Variants in TM9SF3 observed in about 807,000 individuals in gnomAD.
TM9SF3 encodes the protein SM-11044-binding protein.
A neutral mutation model predicts 78.6 loss-of-function variants in TM9SF3; 14 were observed. The ratio of observed to expected loss-of-function variants is 0.18; its 90% CI spans 0.12 to 0.28. The LOEUF (loss-of-function observed/expected upper bound fraction) is 0.28, where lower values mean the gene tolerates loss of function less well. TM9SF3 is among the 10% of genes least tolerant of loss of function. TM9SF3 has a pLI of 1.00. For synonymous variants in TM9SF3, 231 were observed against 241.7 expected (o/e 0.96, Z 0.41); for missense variants, 496 against 721.9 (o/e 0.69, Z 3.59).
At position 96,518,196 on chromosome 10, in the gene TM9SF3, T is replaced by C. The variant is rs1847717856; in HGVS notation, c.*4067A>G. The C allele has an allele frequency of 6.6e-6, 1 of 152,186 alleles. No homozygotes were observed. Among genetic ancestry groups the C allele is most frequent in the African/African-American group, 2.4e-5 (1 of 41,446 alleles). The allele number at this position is 152,186 out of a possible 1,614,324, so 9.4% of individuals were successfully genotyped here. A position where few individuals can be genotyped will look rare whatever the true frequency, so the allele number is the denominator to read the frequency against. On this transcript the variant is annotated 3_prime_UTR_variant, in exon 15 of 15. Coordinates refer to ENST00000371142, the MANE Select transcript of TM9SF3 (RefSeq NM_020123.4). ...AGAACCTCAATTGTATTTGATACAT[T>C]ATATACTGGATTTCTATTACTAAAA... is the stretch of plus-strand genomic sequence containing the variant.
rs555654675 is a variant in TM9SF3 at position 96,530,509 on chromosome 10, C to T, written c.1394+31G>A. On this transcript the variant is annotated intron_variant, in intron 11 of 14. Transcript: ENST00000371142. Reference sequence around the variant, plus strand: ...AAATTGTCTTACTATAATCAAATCCCTCAAAACATAAATACATTATCAAAA... The same window carrying T: ...AAATTGTCTTACTATAATCAAATCCTTCAAAACATAAATACATTATCAAAA... 4.8e-5 allele frequency: 75 copies of T among 1,569,862 alleles called. 3 individuals are homozygous for T. The South Asian group carries it at 8.2e-4, about 17-fold the overall frequency.
intron 1 of TM9SF3, among the ~76,000 whole-genome samples, chr10:96,580,583 G>C (rs1004239889): frequency 6.6e-6 from 1 of 151,864 alleles, no homozygotes; most frequent in African/African-American, 2.4e-5. Flanking sequence ...ATCTTCTTTC[G>C]TCATTCCACC....
chr10:96,571,220 A>T (rs1419228986), intron 2 of TM9SF3, among the ~76,000 whole-genome samples: 1 of 152,138 alleles, frequency 6.6e-6, no homozygotes, highest in Non-Finnish European at 1.5e-5. Flanking sequence ...AGCTAGGGGG[A>T]CAGATGTAGG....
chr10:96,541,698 T>C (rs558418126), intron 9 of TM9SF3, among the ~76,000 whole-genome samples: 8 of 152,256 alleles, frequency 5.3e-5, no homozygotes, highest in East Asian at 3.9e-4. Flanking sequence ...GAAACTTTCA[T>C]AGAACAGAGA....
chr10:96,548,522 G>A (rs915393724), intron 7 of TM9SF3, among the ~76,000 whole-genome samples: 3 of 152,052 alleles, frequency 2.0e-5, no homozygotes, highest in Non-Finnish European at 4.4e-5. Flanking sequence ...TTTAGGCCGC[G>A]CACAGTGGCT....
At position 96,529,163 on chromosome 10, in the gene TM9SF3, T is replaced by C. The variant is rs145910026; in HGVS notation, c.1395-986A>G. Among the ~76,000 whole-genome samples, 969 of 152,172 alleles carry C rather than the reference T, an allele frequency of 6.4e-3. 5 individuals are homozygous for C. The highest frequency in any genetic ancestry group is 0.012 in the Admixed American group (176 of 15,256). ...CATTGTCAGACTGGAACTAAAGAAG[T>C]TCCTGAACTGACTTTAATAAACCAC... On this transcript the variant is annotated intron_variant, in intron 11 of 14. Coordinates refer to ENST00000371142, the MANE Select transcript of TM9SF3 (RefSeq NM_020123.4).
chr10:96,555,987 A>T (rs905734477), intron 5 of TM9SF3, among the ~76,000 whole-genome samples: 4 of 152,192 alleles, frequency 2.6e-5, no homozygotes, highest in African/African-American at 9.6e-5. Flanking sequence ...AAAATGTTGT[A>T]ATTTCTAACA....
At chr10:96,559,544 C>A in intron 5 of TM9SF3, 115 bp downstream of exon 5, 1 of 630,370 alleles carries the variant, frequency 1.6e-6, no homozygotes, top group Non-Finnish European at 2.4e-6. Context: ...TCACCATTAG[C>A]TAAATCTTTT....
intron 8 of TM9SF3, among the ~76,000 whole-genome samples, chr10:96,544,696 G>GT (rs1278181909): frequency 6.6e-6 from 1 of 152,036 alleles, no homozygotes; most frequent in Non-Finnish European, 1.5e-5. Flanking sequence ...GGAGTTTCAT[G>GT]TAAGTTTTCA....
chr10:96,574,851 C>T (rs909604588), intron 2 of TM9SF3, among the ~76,000 whole-genome samples: 1 of 152,114 alleles, frequency 6.6e-6, no homozygotes, highest in Non-Finnish European at 1.5e-5. Flanking sequence ...CATGTTCTCA[C>T]TCGTAAGTGG....
intron 3 of TM9SF3, among the ~76,000 whole-genome samples, chr10:96,564,381 A>G (rs1467950049): frequency 6.6e-6 from 1 of 152,208 alleles, no homozygotes; most frequent in African/African-American, 2.4e-5. Context: ...TATTCAGCAC[A>G]TCTTCCTACC....
At chr10:96,574,621 C>G (rs780710457) in intron 2 of TM9SF3, among the ~76,000 whole-genome samples, 6 of 152,300 alleles carry the variant, frequency 3.9e-5, no homozygotes, top group Admixed American at 1.3e-4. Context: ...GATACATACA[C>G]ATGTATGTTT....
intron 14 of TM9SF3, among the ~76,000 whole-genome samples, chr10:96,525,378 C>CTTGT (rs1296096166): frequency 6.6e-6 from 1 of 151,996 alleles, no homozygotes; most frequent in African/African-American, 2.4e-5. Flanking sequence ...AAACATGTGA[C>CTTGT]TATAACATAG....
chr10:96,582,176 T>C (rs530581979), intron 1 of TM9SF3, among the ~76,000 whole-genome samples: 37 of 152,330 alleles, frequency 2.4e-4, no homozygotes, highest in African/African-American at 8.4e-4. Flanking sequence ...AAGGCTACAG[T>C]GCAAACTATA....
chr10:96,554,857 C>T (rs1848215873), intron 5 of TM9SF3, among the ~76,000 whole-genome samples: 1 of 152,192 alleles, frequency 6.6e-6, no homozygotes, highest in Admixed American at 6.5e-5. Flanking sequence ...ATGGTACTAA[C>T]ATGTGGCTTT....
intron 1 of TM9SF3, among the ~76,000 whole-genome samples, chr10:96,584,154 A>G (rs1848604740): frequency 1.3e-5 from 2 of 152,230 alleles, no homozygotes. Flanking sequence ...GGCCAGCTTC[A>G]GCTTCTAAAA....
Position 96,565,364 on chromosome 10 carries a change from C to T in TM9SF3, c.361G>A (p.Val121Ile). The T allele has an allele frequency of 1.9e-6, 3 of 1,564,338 alleles. No homozygotes were observed. The highest frequency in any genetic ancestry group is 2.6e-6 in the Non-Finnish European group (3 of 1,164,026). The change falls in exon 3 of 15, where the codon GTA becomes ATA. Residue 121 changes from valine to isoleucine, a missense_variant. Around this residue, in one of 4 missense-constraint regions of TM9SF3, gnomAD observed 155 missense variants for 241.6 expected, o/e 0.64. Transcript: ENST00000371142. The stretch of plus-strand genomic sequence containing the variant: ...CAGTAATGATTTTTTATGGCATATA[C>T]AAATGCATCTCTCTTTTCTTTATCT... ...DLDKEKRDAF[V>I]YAIKNHYWYQ...
Position 96,522,249 on chromosome 10 carries a change from G to C in TM9SF3, c.*14C>G. 1.3e-6 allele frequency: 2 copies of C among 1,593,390 alleles called. No individual in the cohort carries two copies. The highest frequency in any genetic ancestry group is 1.7e-6 in the Non-Finnish European group (2 of 1,171,626). On this transcript the variant is annotated 3_prime_UTR_variant, in exon 15 of 15. Coordinates refer to ENST00000371142, the MANE Select transcript of TM9SF3 (RefSeq NM_020123.4). Reference sequence around the variant, plus strand: ...AAAAGAAATTGATCCAAAGTTCCAGGTTTTCTTGGGTCTCTAGTCAATTTT... The same window carrying C: ...AAAAGAAATTGATCCAAAGTTCCAGCTTTTCTTGGGTCTCTAGTCAATTTT...
chr10:96,525,807 G>A (rs74151370), intron 14 of TM9SF3, among the ~76,000 whole-genome samples: 3,127 of 151,974 alleles, frequency 0.021, 91 homozygotes, highest in African/African-American at 0.068. Flanking sequence ...GTAATTAAGG[G>A]ACCAGTCTCA....
Sources: allele counts gnomAD v4.1 joint callset (sites outside exome capture counted in the v4.1 genomes callset), GRCh38; gene constraint gnomAD v4.1.1; regional missense constraint gnomAD v4.1.1; transcripts MANE v1.5; gene names NCBI Gene and HGNC (gene_info 2026-07-23, HGNC 2026-07-21).